FHIT: variants seen among roughly 807,000 people sequenced by gnomAD.
FHIT encodes bis(5'-adenosyl)-triphosphatase.
In FHIT, 19 loss-of-function variants were observed where a neutral mutation model predicts 17.9. That is an observed-to-expected ratio of 1.06 (90% CI 0.74 to 1.56). The LOEUF (loss-of-function observed/expected upper bound fraction) is 1.56, where lower values mean the gene tolerates loss of function less well. FHIT is among the 40% of genes most tolerant of loss of function. The probability of loss-of-function intolerance (pLI) is 0.00; values close to 1 mark genes in which losing one functional copy is unlikely to be tolerated. For missense variants in FHIT, 248 were observed against 189.2 expected, an observed-to-expected ratio of 1.31 and a Z score of -1.82; for synonymous variants, 81 against 69.7, an observed-to-expected ratio of 1.16 and a Z score of -0.81.
chr3:60,850,224 CAG>C (rs1703097124), intron 3 of FHIT, among the ~76,000 whole-genome samples: 1 of 151,848 alleles, frequency 6.6e-6, no homozygotes, highest in Non-Finnish European at 1.5e-5. Flanking sequence ...CTACCTTTAT[CAG>C]TGTTCTACAC....
intron 5 of FHIT, among the ~76,000 whole-genome samples, chr3:60,476,882 A>T (rs1284057008): frequency 6.6e-6 from 1 of 151,730 alleles, no homozygotes; most frequent in African/African-American, 2.4e-5. Context: ...TTTCCAGAAG[A>T]CAAAGGGTGG....
At chr3:60,494,006 C>G (rs1559490393) in intron 5 of FHIT, among the ~76,000 whole-genome samples, 2 of 152,050 alleles carry the variant, frequency 1.3e-5, no homozygotes, top group South Asian at 2.1e-4. Context: ...CAGAATGTAT[C>G]TTTGTCCATT....
intron 2 of FHIT, among the ~76,000 whole-genome samples, chr3:61,099,958 C>A (rs1262649862): frequency 6.6e-6 from 1 of 152,018 alleles, no homozygotes; most frequent in South Asian, 2.1e-4. Flanking sequence ...GTTCCCGAAT[C>A]CTTGCTGATG....
intron 3 of FHIT, among the ~76,000 whole-genome samples, chr3:60,930,632 C>T (rs561582765): frequency 2.1e-4 from 32 of 152,234 alleles, no homozygotes; most frequent in Non-Finnish European, 3.7e-4. Context: ...CATCACTGGC[C>T]ATCAGAGACA....
intron 5 of FHIT, among the ~76,000 whole-genome samples, chr3:60,213,247 C>T (rs1165657693): frequency 6.6e-6 from 1 of 152,162 alleles, no homozygotes; most frequent in Non-Finnish European, 1.5e-5. Context: ...CCCCCATCTG[C>T]TTCTTTCCGT....
chr3:61,214,687 T>G (rs1007544710), intron 1 of FHIT, among the ~76,000 whole-genome samples: 9 of 151,926 alleles, frequency 5.9e-5, no homozygotes, highest in African/African-American at 1.2e-4. Flanking sequence ...TACCAAAGCC[T>G]GGCAGAGACA....
intron 5 of FHIT, among the ~76,000 whole-genome samples, chr3:60,200,369 C>T (rs1335900350): frequency 6.6e-6 from 1 of 152,026 alleles, no homozygotes; most frequent in Non-Finnish European, 1.5e-5. Context: ...GTTGGATTTG[C>T]TCTTGTGGAT....
At chr3:60,654,077 T>G (rs1553688992) in intron 4 of FHIT, among the ~76,000 whole-genome samples, 2 of 148,926 alleles carry the variant, frequency 1.3e-5, no homozygotes, top group African/African-American at 5.0e-5. Context: ...CCCCACTCTC[T>G]CTCCCTCTTG....
intron 5 of FHIT, among the ~76,000 whole-genome samples, chr3:60,166,363 A>G (rs771551770): frequency 5.9e-5 from 9 of 152,186 alleles, no homozygotes; most frequent in East Asian, 1.9e-4. Flanking sequence ...TATAAACACT[A>G]CAAGAACTGA....
At chr3:59,968,425 CAAAACA>C (rs570855643) in intron 7 of FHIT, among the ~76,000 whole-genome samples, 1,553 of 150,446 alleles carry the variant, frequency 0.01, 31 homozygotes, top group African/African-American at 0.035. Context: ...AGTAGGCTAT[CAAAACA>C]AAAACAAAAA....
At chr3:60,452,189 G>A (rs2107373218) in intron 5 of FHIT, among the ~76,000 whole-genome samples, 1 of 152,188 alleles carries the variant, frequency 6.6e-6, no homozygotes, top group Non-Finnish European at 1.5e-5. Flanking sequence ...GCAACTCTAA[G>A]GTAAAAAAAT....
chr3:60,252,724 C>A (rs898765331), intron 5 of FHIT, among the ~76,000 whole-genome samples: 2 of 152,084 alleles, frequency 1.3e-5, no homozygotes, highest in African/African-American at 4.8e-5. Context: ...GGCGCGGTGG[C>A]TCATGCCTGT....
At chr3:60,767,920 A>G (rs559692420) in intron 4 of FHIT, among the ~76,000 whole-genome samples, 1 of 152,354 alleles carries the variant, frequency 6.6e-6, no homozygotes, top group Non-Finnish European at 1.5e-5. Context: ...AAATGAAAGT[A>G]GATTACACGG....
In FHIT at chr3:61,105,982, A is replaced by G. The variant is rs557613857; in HGVS notation, c.-163-63883T>C. 2.6e-5 allele frequency among the ~76,000 whole-genome samples: 4 copies of G among 152,310 alleles called. No homozygotes were observed. In the South Asian group the frequency reaches 8.3e-4, roughly 32 times the overall value. On this transcript the variant is annotated intron_variant, in intron 2 of 9. Coordinates refer to ENST00000492590, the MANE Select transcript of FHIT (RefSeq NM_002012.4). ...GGCTCTAAAGAGAATGATCCAACTT[A>G]GCAGATAAAAGGCCAAGCCTCCTGT...
At chr3:61,012,793 T>C (rs918972375) in intron 3 of FHIT, among the ~76,000 whole-genome samples, 3 of 151,704 alleles carry the variant, frequency 2.0e-5, no homozygotes, top group Non-Finnish European at 4.4e-5. Context: ...ATTTTTGAAA[T>C]GTAGAGGATT....
intron 7 of FHIT, among the ~76,000 whole-genome samples, chr3:60,008,636 C>G (rs549359792): frequency 6.6e-6 from 1 of 152,270 alleles, no homozygotes; most frequent in East Asian, 1.9e-4. Context: ...AGGGATCAGG[C>G]AGAATCTCAA....
intron 3 of FHIT, among the ~76,000 whole-genome samples, chr3:60,862,531 G>T (rs561280663): frequency 3.8e-4 from 58 of 152,198 alleles, no homozygotes; most frequent in African/African-American, 1.4e-3. Flanking sequence ...GCAATAGGCA[G>T]ACTTCTAAAG....
intron 2 of FHIT, among the ~76,000 whole-genome samples, chr3:61,095,373 T>C (rs1349798646): frequency 6.6e-6 from 1 of 152,300 alleles, no homozygotes; most frequent in South Asian, 2.1e-4. Flanking sequence ...TGCTTGACTG[T>C]GCATTACTAT....
chr3:61,033,965 T>C (rs1475283102), intron 3 of FHIT, among the ~76,000 whole-genome samples: 1 of 152,170 alleles, frequency 6.6e-6, no homozygotes, highest in African/African-American at 2.4e-5. Context: ...CTCTGAAGTT[T>C]CATGATCTAC....
Sources: allele counts gnomAD v4.1 joint callset (sites outside exome capture counted in the v4.1 genomes callset), GRCh38; gene constraint gnomAD v4.1.1; transcripts MANE v1.5; gene names NCBI Gene and HGNC (gene_info 2026-07-23, HGNC 2026-07-21).